RHOBTB1: variants seen among roughly 807,000 people sequenced by gnomAD.
The protein encoded by RHOBTB1 is rho-related BTB domain-containing protein 1.
In RHOBTB1, 40 loss-of-function variants were observed where a neutral mutation model predicts 71.6. The ratio of observed to expected loss-of-function variants is 0.56; its 90% confidence interval spans 0.43 to 0.73. RHOBTB1 has a LOEUF of 0.73. RHOBTB1 is among the 30% of genes least tolerant of loss of function. The pLI, the probability that RHOBTB1 is intolerant of heterozygous loss-of-function variation, is 0.00. For synonymous variants in RHOBTB1, 319 were observed against 334.9 expected (o/e 0.95, Z 0.52); for missense variants, 797 against 894.0 (o/e 0.89, Z 1.38).
intron 2 of RHOBTB1, among the ~76,000 whole-genome samples, chr10:60,920,098 AC>A (rs771830512): frequency 7.4e-4 from 113 of 152,282 alleles, no homozygotes; most frequent in Non-Finnish European, 1.1e-3. Context: ...CTATGTCATT[AC>A]TTCTGCACAA....
chr10:60,918,968 A>G (rs1314850602), intron 2 of RHOBTB1, among the ~76,000 whole-genome samples: 1 of 151,350 alleles, frequency 6.6e-6, no homozygotes, highest in East Asian at 1.9e-4. Context: ...CTGGTCTCAA[A>G]CTCCTGACCT....
chr10:60,967,481 G>T (rs908555832), intron 2 of RHOBTB1, among the ~76,000 whole-genome samples: 1 of 151,830 alleles, frequency 6.6e-6, no homozygotes, highest in Non-Finnish European at 1.5e-5. Context: ...CAGGTTCAAG[G>T]AACACATTGT....
intron 1 of RHOBTB1, among the ~76,000 whole-genome samples, chr10:60,991,713 G>A (rs957680528): frequency 6.6e-6 from 1 of 152,034 alleles, no homozygotes; most frequent in South Asian, 2.1e-4. Context: ...TTACAGACAT[G>A]AGCCACCGCA....
chr10:60,903,980 T>G (rs536157559), intron 4 of RHOBTB1, among the ~76,000 whole-genome samples: 2 of 152,262 alleles, frequency 1.3e-5, no homozygotes, highest in Admixed American at 6.5e-5. Context: ...CTTTTTTTTT[T>G]GAGACAGGGT....
At chr10:60,872,620 G>A (rs2080852568) in intron 9 of RHOBTB1, among the ~76,000 whole-genome samples, 1 of 139,300 alleles carries the variant, frequency 7.2e-6, no homozygotes, top group Non-Finnish European at 1.6e-5. Flanking sequence ...GAAGGCACCA[G>A]CCCACAGCAG....
intron 1 of RHOBTB1, among the ~76,000 whole-genome samples, chr10:61,000,642 A>G (rs967659640): frequency 3.8e-4 from 58 of 152,272 alleles, no homozygotes; most frequent in African/African-American, 1.9e-4. Flanking sequence ...ATAAAACTCA[A>G]TTTAAACTAA....
At chr10:60,972,140 A>G (rs1232256287) in intron 2 of RHOBTB1, among the ~76,000 whole-genome samples, 1 of 152,206 alleles carries the variant, frequency 6.6e-6, no homozygotes, top group Non-Finnish European at 1.5e-5. Flanking sequence ...GCGATTCCTC[A>G]AGGATCTAAA....
intron 2 of RHOBTB1, among the ~76,000 whole-genome samples, chr10:60,964,082 G>A (rs1468646169): frequency 2.0e-5 from 3 of 152,114 alleles, no homozygotes; most frequent in Non-Finnish European, 2.9e-5. Context: ...TGTTAAGGCA[G>A]GCAATACATG....
chr10:60,982,283 GACTA>G (rs2086522608), intron 2 of RHOBTB1, among the ~76,000 whole-genome samples: 1 of 152,130 alleles, frequency 6.6e-6, no homozygotes, highest in Admixed American at 6.5e-5. Flanking sequence ...AGATAGGCCT[GACTA>G]ACTGTACTGG....
At chr10:60,913,931 C>T (rs1281502191) in intron 2 of RHOBTB1, among the ~76,000 whole-genome samples, 1 of 152,134 alleles carries the variant, frequency 6.6e-6, no homozygotes, top group African/African-American at 2.4e-5. Flanking sequence ...TGAATTAAGT[C>T]CTCAGTGCCG....
chr10:60,924,409 C>A (rs980359888), intron 2 of RHOBTB1, among the ~76,000 whole-genome samples: 1 of 151,692 alleles, frequency 6.6e-6, no homozygotes, highest in African/African-American at 2.4e-5. Context: ...TAAAAAGAGA[C>A]AAAGAAGGTC....
At chr10:60,982,248 G>T (rs2086521742) in intron 2 of RHOBTB1, among the ~76,000 whole-genome samples, 1 of 152,052 alleles carries the variant, frequency 6.6e-6, no homozygotes, top group Non-Finnish European at 1.5e-5. Context: ...CCTATATATT[G>T]GCCACTTCAA....
intron 4 of RHOBTB1, among the ~76,000 whole-genome samples, chr10:60,898,015 T>C (rs1448730935): frequency 6.6e-6 from 1 of 152,160 alleles, no homozygotes; most frequent in Non-Finnish European, 1.5e-5. Context: ...CTAATAATTA[T>C]ATTTACCCAA....
At chr10:60,873,498 T>C (rs1481937171) in intron 9 of RHOBTB1, among the ~76,000 whole-genome samples, 3 of 152,164 alleles carry the variant, frequency 2.0e-5, no homozygotes, top group Non-Finnish European at 2.9e-5. Flanking sequence ...GCAATAATCA[T>C]ATTATTTCCT....
At position 60,985,450 on chromosome 10, in the gene RHOBTB1, C is replaced by T. The variant is rs576619630; in HGVS notation, c.-62+395G>A. The stretch of plus-strand genomic sequence containing the variant: ...ATCTGGGAAAAAGAGAAATGCCACG[C>T]ACAGCAATCTGGTCATTTCTAAATC... On this transcript the variant is annotated intron_variant, in intron 2 of 11. Transcript: ENST00000357917. Among the ~76,000 whole-genome samples, 34 of 152,306 alleles carry T rather than the reference C, an allele frequency of 2.2e-4. No individual in the cohort carries two copies. In the South Asian group the frequency reaches 7.0e-3, roughly 32 times the overall value.
chr10:60,886,292 T>G (rs534566998), intron 6 of RHOBTB1, 62 bp from the exon 7 acceptor site: 1 of 1,231,052 alleles, frequency 8.1e-7, no homozygotes, highest in Non-Finnish European at 1.2e-6. Context: ...CAACCAAGGC[T>G]TCTGCTCCCA....
intron 4 of RHOBTB1, among the ~76,000 whole-genome samples, chr10:60,900,103 A>C (rs1158042451): frequency 2.0e-5 from 3 of 152,168 alleles, no homozygotes; most frequent in African/African-American, 7.2e-5. Flanking sequence ...CGTGAGGGGA[A>C]ACTGAAGTCT....
chr10:60,865,993 G>A (rs111718133), downstream of RHOBTB1, among the ~76,000 whole-genome samples: 7,001 of 152,054 alleles, frequency 0.046, 295 homozygotes, highest in African/African-American at 0.12. Context: ...CACCACACCC[G>A]GCTAATTTTT....
intron 4 of RHOBTB1, among the ~76,000 whole-genome samples, chr10:60,908,783 G>T (rs916778778): frequency 3.9e-5 from 6 of 152,188 alleles, no homozygotes; most frequent in African/African-American, 1.4e-4. Context: ...ACTAGAGGTG[G>T]GGTCTGTGTC....
Sources: allele counts gnomAD v4.1 joint callset (sites outside exome capture counted in the v4.1 genomes callset), GRCh38; gene constraint gnomAD v4.1.1; transcripts MANE v1.5; gene names NCBI Gene and HGNC (gene_info 2026-07-23, HGNC 2026-07-21).